The following POU6F2 variants were observed in gnomAD, a reference collection of about 807,000 sequenced individuals.
POU6F2 encodes the protein POU class 6 homeobox 2, also known as POU domain, class 6, transcription factor 2.
In POU6F2, 31 loss-of-function variants were observed where a neutral mutation model predicts 71.3. The observed-to-expected ratio is 0.43, with a 90% CI of 0.33 to 0.59. The LOEUF (loss-of-function observed/expected upper bound fraction) is 0.59. Among genes scored for constraint, POU6F2 ranks in the 20% least tolerant of loss-of-function variants. The pLI, the probability that POU6F2 is intolerant of heterozygous loss-of-function variation, is 0.04. For synonymous variants in POU6F2, 347 were observed against 355.7 expected (o/e 0.98, Z 0.27); for missense variants, 783 against 856.8 (o/e 0.91, Z 1.07).
intron 8 of POU6F2, among the ~76,000 whole-genome samples, chr7:39,453,117 C>G (rs1250421693): frequency 3.3e-5 from 5 of 152,182 alleles, no homozygotes; most frequent in African/African-American, 4.8e-5. Context: ...TGCCCAGGCA[C>G]TTCACCAGAC....
At chr7:39,038,498 C>CCCG (rs1790112954) in intron 1 of POU6F2, among the ~76,000 whole-genome samples, 1 of 151,948 alleles carries the variant, frequency 6.6e-6, no homozygotes, top group Non-Finnish European at 1.5e-5. Flanking sequence ...TTCCCAAGCA[C>CCCG]CCGCCACAAC....
intron 1 of POU6F2, among the ~76,000 whole-genome samples, chr7:38,989,270 T>C (rs1584482744): frequency 6.6e-6 from 1 of 152,158 alleles, no homozygotes; most frequent in Admixed American, 6.6e-5. Flanking sequence ...CACAGTCAGA[T>C]GCCTTTAGAC....
chr7:39,160,919 G>A (rs1010596942), intron 2 of POU6F2, among the ~76,000 whole-genome samples: 3 of 152,102 alleles, frequency 2.0e-5, no homozygotes, highest in African/African-American at 7.2e-5. Context: ...ACAGTGTTTT[G>A]CACATAATAG....
intron 4 of POU6F2, among the ~76,000 whole-genome samples, chr7:39,263,397 T>G (rs1334200300): frequency 2.0e-5 from 3 of 152,310 alleles, no homozygotes; most frequent in South Asian, 4.1e-4. Flanking sequence ...CAGTCAAGGT[T>G]TTTTTCTTTT....
intron 2 of POU6F2, among the ~76,000 whole-genome samples, chr7:39,202,411 T>C (rs1299668391): frequency 1.3e-5 from 2 of 152,236 alleles, no homozygotes; most frequent in Non-Finnish European, 2.9e-5. Context: ...CTTTTCATAG[T>C]CTGGTATAAA....
chr7:39,224,207 T>C (rs1393549103), intron 4 of POU6F2, among the ~76,000 whole-genome samples: 2 of 152,178 alleles, frequency 1.3e-5, no homozygotes, highest in African/African-American at 4.8e-5. Context: ...TATTGCATAC[T>C]TTTTCAGGAG....
At chr7:39,011,584 T>G (rs1427602867) in intron 1 of POU6F2, among the ~76,000 whole-genome samples, 1 of 147,432 alleles carries the variant, frequency 6.8e-6, no homozygotes, top group Non-Finnish European at 1.5e-5. Flanking sequence ...AGCTGGTGAT[T>G]TTGCTCATTA....
At chr7:39,150,259 G>GTGTGTGTGTGTGTGTA (rs1792728842) in intron 2 of POU6F2, among the ~76,000 whole-genome samples, 1 of 151,434 alleles carries the variant, frequency 6.6e-6, no homozygotes, top group African/African-American at 2.4e-5. Context: ...GTGTGTGTGT[G>GTGTGTGTGTGTGTGTA]TAGCATCTAG....
intron 4 of POU6F2, among the ~76,000 whole-genome samples, chr7:39,269,262 C>T (rs954446244): frequency 4.5e-4 from 69 of 152,296 alleles, no homozygotes; most frequent in African/African-American, 1.6e-3. Flanking sequence ...GGCTGGCGCA[C>T]ACACAGCCTT....
chr7:39,192,018 G>T (rs1220036246), intron 2 of POU6F2, among the ~76,000 whole-genome samples: 1 of 152,136 alleles, frequency 6.6e-6, no homozygotes, highest in Non-Finnish European at 1.5e-5. Flanking sequence ...GCAATATTTT[G>T]TTACCCCATC....
At chr7:39,171,732 A>G (rs964069260) in intron 2 of POU6F2, among the ~76,000 whole-genome samples, 2 of 152,240 alleles carry the variant, frequency 1.3e-5, no homozygotes, top group Non-Finnish European at 2.9e-5. Flanking sequence ...GTAGGAAGGG[A>G]TGCTACAGTG....
rs551455463 is a variant in POU6F2, at chr7:39,061,784, C to T, written c.106-24076C>T. The stretch of plus-strand genomic sequence containing the variant: ...CTTTTAGTTGTTTTCTTTGAAGTGA[C>T]AGGCTCGCTTCATTCATTTTTCCCC... On this transcript the variant is annotated intron_variant, in intron 1 of 9. Coordinates refer to ENST00000518318, the MANE Select transcript of POU6F2 (RefSeq NM_001370959.1). Among the ~76,000 whole-genome samples the T allele has an allele frequency of 3.3e-5, 5 of 152,220 alleles. No individual in the cohort carries two copies. In the East Asian group the frequency reaches 9.6e-4, roughly 29 times the overall value.
intron 4 of POU6F2, among the ~76,000 whole-genome samples, chr7:39,322,321 T>A (rs1785414845): frequency 6.6e-6 from 1 of 152,210 alleles, no homozygotes; most frequent in Non-Finnish European, 1.5e-5. Context: ...CAGGGCAACG[T>A]GTTTGTTATG....
chr7:39,087,551 C>A (rs1791278660), intron 2 of POU6F2, among the ~76,000 whole-genome samples: 1 of 152,080 alleles, frequency 6.6e-6, no homozygotes, highest in East Asian at 1.9e-4. Context: ...GTACTAAAAC[C>A]TTTACTTCAA....
In POU6F2 at chr7:39,034,490, C is replaced by T. The variant is rs765044739; in HGVS notation, c.106-51370C>T. On this transcript the variant is annotated intron_variant, in intron 1 of 9. Transcript: ENST00000518318. ...ATATCTATGGAGACAATGGCATGGA[C>T]TGTAAGTAGCTCCTGTCTCTTGATA... 76 of 437,834 alleles carry T rather than the reference C, an allele frequency of 1.7e-4. 2 individuals are homozygous for T. Among genetic ancestry groups the T allele is most frequent in the South Asian group, 1.2e-3 (75 of 62,262 alleles). 27.1% of individuals were successfully genotyped at this position (437,834 alleles called of 1,614,324 possible). A position where few individuals can be genotyped will look rare whatever the true frequency, so the allele number is the denominator to read the frequency against.
chr7:39,398,052 A>G (rs1787214613), intron 5 of POU6F2, among the ~76,000 whole-genome samples: 1 of 151,882 alleles, frequency 6.6e-6, no homozygotes, highest in Non-Finnish European at 1.5e-5. Flanking sequence ...AAAAAAAAAC[A>G]TTCAGACAAG....
intron 4 of POU6F2, among the ~76,000 whole-genome samples, chr7:39,221,878 A>G (rs916624660): frequency 6.6e-6 from 1 of 152,214 alleles, no homozygotes; most frequent in Non-Finnish European, 1.5e-5. Context: ...AGTTGTCTTT[A>G]TGGTTTAAAT....
intron 8 of POU6F2, among the ~76,000 whole-genome samples, chr7:39,452,351 A>G (rs1251944696): frequency 6.6e-6 from 1 of 152,228 alleles, no homozygotes; most frequent in Non-Finnish European, 1.5e-5. Flanking sequence ...GATAGATAGT[A>G]TATTTATCAC....
At chr7:39,034,171 A>T (rs1384886705) in intron 1 of POU6F2, among the ~76,000 whole-genome samples, 3 of 152,162 alleles carry the variant, frequency 2.0e-5, no homozygotes, top group African/African-American at 4.8e-5. Flanking sequence ...TGTTAGACCT[A>T]TTGTTTCACA....
Sources: allele counts gnomAD v4.1 joint callset (sites outside exome capture counted in the v4.1 genomes callset), GRCh38; gene constraint gnomAD v4.1.1; transcripts MANE v1.5; gene names NCBI Gene and HGNC (gene_info 2026-07-23, HGNC 2026-07-21).